Variants in ROR2 observed in about 807,000 individuals in gnomAD.
ROR2 encodes the protein ROR family WNT receptor 2, also known as tyrosine-protein kinase transmembrane receptor ROR2.
Under a neutral mutation model 74.9 loss-of-function variants are expected in ROR2, and 33 were observed. The ratio of observed to expected loss-of-function variants is 0.44; its 90% CI spans 0.33 to 0.59. The LOEUF (loss-of-function observed/expected upper bound fraction) is 0.59, where lower values mean the gene tolerates loss of function less well. Ranked by LOEUF, ROR2 falls within the 20% of genes least tolerant of loss-of-function variation. The probability of loss-of-function intolerance (pLI) is 0.02; values close to 1 mark genes in which losing one functional copy is unlikely to be tolerated. For synonymous variants in ROR2, 586 were observed against 558.7 expected, an observed-to-expected ratio of 1.05 and a Z score of -0.69; for missense variants, 1,216 against 1,313.8, an observed-to-expected ratio of 0.93 and a Z score of 1.15.
chr9:91,801,530 G>A (rs1053669424), intron 1 of ROR2, among the ~76,000 whole-genome samples: 2 of 151,992 alleles, frequency 1.3e-5, no homozygotes, highest in African/African-American at 2.4e-5. Context: ...ACGGGATTTC[G>A]CCATGTTGGC....
rs529829552 is a variant in ROR2 at position 91,724,524 on chromosome 9, C to T, written c.1970G>A (p.Arg657His). 8.7e-6 allele frequency: 14 copies of T among 1,614,174 alleles called. No individual in the cohort carries two copies. The highest frequency in any genetic ancestry group is 1.1e-5 in the South Asian group (1 of 91,078). The change falls in exon 9 of 9, where the codon CGC becomes CAC. Residue 657 changes from arginine to histidine, a missense_variant. Coordinates refer to ENST00000375708, the MANE Select transcript of ROR2 (RefSeq NM_004560.4). ...KLLGNSLLPI[R>H]WMAPEAIMYG... Reference sequence around the variant, plus strand: ...CATGATGGCCTCTGGGGCCATCCAGCGGATAGGCAGCAGCGAGTTCCCCAG... The same window carrying T: ...CATGATGGCCTCTGGGGCCATCCAGTGGATAGGCAGCAGCGAGTTCCCCAG...
chr9:91,844,044 C>T (rs746584831), intron 1 of ROR2, among the ~76,000 whole-genome samples: 6 of 152,208 alleles, frequency 3.9e-5, no homozygotes, highest in Non-Finnish European at 7.3e-5. Flanking sequence ...CTTTTTCATC[C>T]CTGCAGCGGG....
In ROR2 at chr9:91,724,048, G is replaced by T. The variant is rs1172192855; in HGVS notation, c.2446C>A (p.Gln816Lys). 1.8e-5 allele frequency: 29 copies of T among 1,610,998 alleles called. No individual in the cohort carries two copies. Among genetic ancestry groups the T allele is most frequent in the Non-Finnish European group, 2.4e-5 (28 of 1,179,612 alleles). Reference protein sequence around the residue: ...GQIRPMVPPPQLYVPVNGYQP... With the variant: ...GQIRPMVPPPKLYVPVNGYQP... ...TAGCCGTTGACGGGGACGTAGAGCT[G>T]CGGCGGGGGCACCATGGGTCTGATC... is the stretch of plus-strand genomic sequence containing the variant. Residue 816 changes from glutamine (Q) to lysine (K), a missense_variant, in exon 9 of 9, where the codon CAG becomes AAG. Coordinates refer to ENST00000375708, the MANE Select transcript of ROR2 (RefSeq NM_004560.4).
chr9:91,764,357 A>G (rs945926315), intron 2 of ROR2, among the ~76,000 whole-genome samples: 2 of 152,096 alleles, frequency 1.3e-5, no homozygotes, highest in Non-Finnish European at 2.9e-5. Flanking sequence ...TTTTTAACTG[A>G]TGAGTTTTAT....
intron 1 of ROR2, among the ~76,000 whole-genome samples, chr9:91,918,230 C>T (rs986498750): frequency 1.1e-4 from 16 of 147,284 alleles, no homozygotes; most frequent in Admixed American, 6.8e-4. Flanking sequence ...ATTGCGCCAC[C>T]GCACTCCAGC....
rs139252583 is a variant in ROR2, at chr9:91,916,026, C to A, written c.97+33841G>T. Among the ~76,000 whole-genome samples, 17 of 152,278 alleles carry A rather than the reference C, an allele frequency of 1.1e-4. No individual in the cohort carries two copies. In the East Asian group the frequency reaches 1.5e-3, roughly 14 times the overall value. On this transcript the variant is annotated intron_variant, in intron 1 of 8. Coordinates refer to ENST00000375708, the MANE Select transcript of ROR2 (RefSeq NM_004560.4). ...AATTGAGTGTTGCACAATTCTAACA[C>A]CTCCATCCTAATTGTGTTATAGCAT...
intron 1 of ROR2, among the ~76,000 whole-genome samples, chr9:91,943,991 C>A (rs1831947018): frequency 1.3e-5 from 2 of 152,192 alleles, no homozygotes; most frequent in Admixed American, 6.5e-5. Context: ...AGGAACAAGA[C>A]AAGAATGCCC....
In ROR2 at chr9:91,818,595, C is replaced by T. The variant is rs1408252738; in HGVS notation, c.98-42777G>A. Among the ~76,000 whole-genome samples the T allele has an allele frequency of 3.3e-5, 5 of 151,978 alleles. No individual in the cohort carries two copies. In the East Asian group the frequency reaches 5.8e-4, roughly 18 times the overall value. ...TCCTAACAGAGCCTTCTGAGGTGGC[C>T]GAGAGGAAGCATATGCCACAAAGGA... is the stretch of plus-strand genomic sequence containing the variant. On this transcript the variant is annotated intron_variant, in intron 1 of 8. Coordinates refer to ENST00000375708, the MANE Select transcript of ROR2 (RefSeq NM_004560.4).
intron 1 of ROR2, among the ~76,000 whole-genome samples, chr9:91,878,131 A>T (rs139633254): frequency 1.3e-3 from 192 of 152,324 alleles, no homozygotes; most frequent in African/African-American, 4.5e-3. Flanking sequence ...ATTGCTAGGA[A>T]AAAAAACACC....
At chr9:91,827,326 T>C (rs149703442) in intron 1 of ROR2, among the ~76,000 whole-genome samples, 20 of 152,048 alleles carry the variant, frequency 1.3e-4, no homozygotes, top group African/African-American at 4.3e-4. Context: ...TTTTTTTTAA[T>C]GTGACTTTTA....
intron 1 of ROR2, among the ~76,000 whole-genome samples, chr9:91,816,139 C>T (rs768184757): frequency 1.3e-5 from 2 of 152,166 alleles, no homozygotes; most frequent in Non-Finnish European, 2.9e-5. Flanking sequence ...ATACAGGTCT[C>T]GGAGCCAGTG....
intron 1 of ROR2, among the ~76,000 whole-genome samples, chr9:91,894,127 C>T (rs1032178832): frequency 6.6e-6 from 1 of 152,300 alleles, no homozygotes; most frequent in South Asian, 2.1e-4. Flanking sequence ...ACTCCAGCCC[C>T]GTCACTCTCC....
chr9:91,949,981 C>A lies in ROR2; in HGVS notation c.-18G>T. The A allele has an allele frequency of 5.7e-6, 8 of 1,403,272 alleles. No individual in the cohort carries two copies. Among genetic ancestry groups the A allele is most frequent in the Non-Finnish European group, 2.8e-6 (3 of 1,077,820 alleles). The allele number at this position is 1,403,272 out of a possible 1,614,324, so 86.9% of individuals were successfully genotyped here. ...CGGGCCATGCCGCAGGCAGTGGGGG[C>A]CGGGAAGCCCTCAGAGCTTCGGGCC... is the stretch of plus-strand genomic sequence containing the variant. On this transcript the variant is annotated 5_prime_UTR_variant, in exon 1 of 9. Coordinates refer to ENST00000375708, the MANE Select transcript of ROR2 (RefSeq NM_004560.4).
rs138876492 is a variant in ROR2, at chr9:91,854,553, C to A, written c.98-78735G>T. Among the ~76,000 whole-genome samples the A allele has an allele frequency of 1.0e-3, 154 of 152,304 alleles. 2 individuals carry two copies. Among genetic ancestry groups the A allele is most frequent in the African/African-American group, 3.6e-3 (150 of 41,560 alleles). On this transcript the variant is annotated intron_variant, in intron 1 of 8. Transcript: ENST00000375708. ...GGAATCCCTCAGTGAAGGAGACTGG[C>A]CTTCCTATTGCTGCCCCAGTTTTGT...
intron 1 of ROR2, among the ~76,000 whole-genome samples, chr9:91,912,955 CCT>C (rs894576828): frequency 2.6e-5 from 4 of 152,136 alleles, no homozygotes; most frequent in African/African-American, 9.7e-5. Flanking sequence ...ATGGCGAAAC[CCT>C]GTCTCTACTA....
intron 1 of ROR2, among the ~76,000 whole-genome samples, chr9:91,913,897 G>A (rs1348841267): frequency 6.6e-6 from 1 of 152,142 alleles, no homozygotes; most frequent in Non-Finnish European, 1.5e-5. Context: ...GGTTGTGATG[G>A]CTGTCCAACA....
At chr9:91,824,407 A>G (rs1828223298) in intron 1 of ROR2, among the ~76,000 whole-genome samples, 1 of 152,336 alleles carries the variant, frequency 6.6e-6, no homozygotes, top group East Asian at 1.9e-4. Context: ...TTCCCAGTGA[A>G]GTGGGCACTA....
chr9:91,922,864 C>A (rs1684388408), intron 1 of ROR2, among the ~76,000 whole-genome samples: 1 of 152,082 alleles, frequency 6.6e-6, no homozygotes, highest in Admixed American at 6.5e-5. Context: ...TGCATCCAAC[C>A]CCAGTCCAGC....
At chr9:91,856,323 C>T (rs1829285578) in intron 1 of ROR2, among the ~76,000 whole-genome samples, 1 of 152,214 alleles carries the variant, frequency 6.6e-6, no homozygotes, top group Non-Finnish European at 1.5e-5. Flanking sequence ...CCACTGCACT[C>T]TAGCCTGGGC....
Sources: allele counts gnomAD v4.1 joint callset (sites outside exome capture counted in the v4.1 genomes callset), GRCh38; gene constraint gnomAD v4.1.1; transcripts MANE v1.5; gene names NCBI Gene and HGNC (gene_info 2026-07-23, HGNC 2026-07-21).